The following KHDRBS3 variants were observed in gnomAD, a reference collection of about 807,000 sequenced individuals.
KHDRBS3 encodes the protein KH RNA binding domain containing, signal transduction associated 3.
KHDRBS3 carries 23 observed loss-of-function variants against 45.6 expected under a neutral mutation model. That is an observed-to-expected ratio of 0.50 (90% CI 0.36 to 0.72). KHDRBS3 has a LOEUF of 0.72. Ranked by LOEUF, KHDRBS3 falls within the 30% of genes least tolerant of loss-of-function variation. The pLI is 0.00. For synonymous variants in KHDRBS3, 162 were observed against 156.5 expected (o/e 1.04, Z -0.26); for missense variants, 352 against 424.8 (o/e 0.83, Z 1.51).
chr8:135,649,646 A>G (rs577873497), downstream of KHDRBS3, among the ~76,000 whole-genome samples: 1 of 152,196 alleles, frequency 6.6e-6, no homozygotes, highest in East Asian at 1.9e-4. Flanking sequence ...TGGGAATGTG[A>G]CGTCCACCAC....
chr8:135,623,207 A>T (rs935672662), intron 7 of KHDRBS3, among the ~76,000 whole-genome samples: 3 of 152,258 alleles, frequency 2.0e-5, no homozygotes, highest in Non-Finnish European at 4.4e-5. Context: ...CCAGAAAAAA[A>T]TAAGCGATAA....
intron 1 of KHDRBS3, among the ~76,000 whole-genome samples, chr8:135,519,789 A>G (rs1173138335): frequency 6.6e-6 from 1 of 152,224 alleles, no homozygotes; most frequent in Admixed American, 6.5e-5. Flanking sequence ...CCTTTGTTTA[A>G]TAGACAATCA....
intron 2 of KHDRBS3, chr8:135,539,092 T>C (rs373846778): frequency 7.9e-5 from 12 of 152,232 alleles, no homozygotes; most frequent in African/African-American, 1.9e-4. Flanking sequence ...TGGGCCACAA[T>C]TGACATTTTA....
chr8:135,518,170 T>TTTG lies in KHDRBS3; in HGVS notation c.89-3052_89-3050dup, dbSNP rs562034031. ...CAATTACTAAACTACTTTGTTTTTTTTTGTTGTTGTTGTTGTTTTTGAGAC... is the reference window on the plus strand; with the variant it reads ...CAATTACTAAACTACTTTGTTTTTTTTTGTTGTTGTTGTTGTTGTTTTTGAGAC... On this transcript the variant is annotated intron_variant, in intron 1 of 8. Coordinates refer to ENST00000355849, the MANE Select transcript of KHDRBS3 (RefSeq NM_006558.3). Among the ~76,000 whole-genome samples the TTTG allele has an allele frequency of 3.1e-4, 47 of 152,144 alleles. 1 individual carries two copies. In the South Asian group the frequency reaches 8.7e-3, roughly 28 times the overall value.
In KHDRBS3 at chr8:135,490,223, G is replaced by T. The variant is rs116637320; in HGVS notation, c.89-31014G>T. 1.0e-2 allele frequency among the ~76,000 whole-genome samples: 1,519 copies of T among 152,286 alleles called. 20 individuals are homozygous for T. The highest frequency in any genetic ancestry group is 0.032 in the African/African-American group (1,342 of 41,546). On this transcript the variant is annotated intron_variant, in intron 1 of 8. Transcript: ENST00000355849. The stretch of plus-strand genomic sequence containing the variant: ...TCTCAGGACAGATCCCCATCATGAA[G>T]TGACACCTGACTGTTTATGTTACCA...
intron 5 of KHDRBS3, among the ~76,000 whole-genome samples, chr8:135,579,514 T>A (rs1488330183): frequency 1.3e-5 from 2 of 152,144 alleles, no homozygotes; most frequent in Admixed American, 6.5e-5. Flanking sequence ...TTTGTCTTTT[T>A]TCAGTAGAGA....
chr8:135,547,810 T>C (rs1487441849), intron 3 of KHDRBS3, among the ~76,000 whole-genome samples: 6 of 152,182 alleles, frequency 3.9e-5, no homozygotes, highest in Admixed American at 1.3e-4. Flanking sequence ...AATCTTAATC[T>C]GTCTGATACT....
rs1282145892 is a variant in KHDRBS3, at chr8:135,494,994, T to C, written c.89-26243T>C. Among the ~76,000 whole-genome samples the C allele has an allele frequency of 3.3e-5, 5 of 152,350 alleles. No homozygotes were observed. The South Asian group carries it at 1.0e-3, about 32-fold the overall frequency. ...TGTTGTTGTTTATCTAATCTCCACT[T>C]GTACCACCTGGAGGAGCTCTCTTAA... On this transcript the variant is annotated intron_variant, in intron 1 of 8. Transcript: ENST00000355849.
At chr8:135,593,594 C>T (rs930813296) in intron 6 of KHDRBS3, among the ~76,000 whole-genome samples, 1 of 152,144 alleles carries the variant, frequency 6.6e-6, no homozygotes, top group Non-Finnish European at 1.5e-5. Flanking sequence ...CCTCCTGCCT[C>T]ACCATTCTGA....
At chr8:135,507,575 G>A (rs1452172899) in intron 1 of KHDRBS3, among the ~76,000 whole-genome samples, 2 of 152,020 alleles carry the variant, frequency 1.3e-5, no homozygotes, top group East Asian at 1.9e-4. Flanking sequence ...CGTTTTTAAC[G>A]TGTAACTTGC....
At chr8:135,521,574 C>T (rs1252073720) in intron 2 of KHDRBS3, among the ~76,000 whole-genome samples, 1 of 152,190 alleles carries the variant, frequency 6.6e-6, no homozygotes, top group East Asian at 1.9e-4. Context: ...TTGAGTCAAA[C>T]TAGCAGTGTG....
At chr8:135,476,257 C>T (rs1299666157) in intron 1 of KHDRBS3, among the ~76,000 whole-genome samples, 2 of 152,050 alleles carry the variant, frequency 1.3e-5, no homozygotes, top group Non-Finnish European at 2.9e-5. Flanking sequence ...GATTCTCCTG[C>T]CTGAGCCTCC....
At chr8:135,463,162 G>A (rs1202020474) in intron 1 of KHDRBS3, among the ~76,000 whole-genome samples, 1 of 152,014 alleles carries the variant, frequency 6.6e-6, no homozygotes, top group Non-Finnish European at 1.5e-5. Flanking sequence ...TGAGTTCCTC[G>A]GAAGACAGGG....
chr8:135,465,788 G>T (rs1039154551), intron 1 of KHDRBS3, among the ~76,000 whole-genome samples: 3 of 152,114 alleles, frequency 2.0e-5, no homozygotes, highest in African/African-American at 7.2e-5. Flanking sequence ...GCTATTTTAA[G>T]AATTTTAAAA....
At chr8:135,489,588 G>A (rs1823036096) in intron 1 of KHDRBS3, among the ~76,000 whole-genome samples, 1 of 152,124 alleles carries the variant, frequency 6.6e-6, no homozygotes, top group Non-Finnish European at 1.5e-5. Context: ...TGAGGCAGGA[G>A]AATCGCTTGA....
At chr8:135,565,499 A>G (rs953790851) in intron 5 of KHDRBS3, among the ~76,000 whole-genome samples, 13 of 152,172 alleles carry the variant, frequency 8.5e-5, no homozygotes, top group African/African-American at 2.7e-4. Context: ...AGACTGTTTA[A>G]GCAGATAGCT....
intron 1 of KHDRBS3, among the ~76,000 whole-genome samples, chr8:135,504,380 G>A (rs866012933): frequency 2.6e-5 from 4 of 152,066 alleles, no homozygotes; most frequent in South Asian, 2.1e-4. Context: ...TTAATTTTAC[G>A]TTCATTTTAT....
chr8:135,580,131 G>A (rs1828131849), intron 5 of KHDRBS3, among the ~76,000 whole-genome samples: 1 of 152,150 alleles, frequency 6.6e-6, no homozygotes. Context: ...CCTTTGTCAG[G>A]TCCCAACCAG....
At chr8:135,536,804 C>CA (rs755546619) in intron 2 of KHDRBS3, among the ~76,000 whole-genome samples, 4 of 148,228 alleles carry the variant, frequency 2.7e-5, no homozygotes, top group African/African-American at 5.0e-5. Flanking sequence ...ACTAAAAATA[C>CA]AAAAAATTAG....
Sources: gnomAD v4.1 joint callset for allele counts (sites outside exome capture counted in the v4.1 genomes callset) on GRCh38, gnomAD v4.1.1 for gene constraint, MANE v1.5 for transcripts, NCBI Gene and HGNC (gene_info 2026-07-23, HGNC 2026-07-21) for gene names.